Variants in SLC8B1 observed in about 807,000 individuals in gnomAD.
The protein encoded by SLC8B1 is solute carrier family 8 member B1.
Under a neutral mutation model 63.4 loss-of-function variants are expected in SLC8B1, and 52 were observed. That is an observed-to-expected ratio of 0.82 (90% CI 0.66 to 1.03). The LOEUF (loss-of-function observed/expected upper bound fraction) is 1.03. SLC8B1 is among the 50% of genes least tolerant of loss of function. SLC8B1 has a pLI of 0.00. For synonymous variants in SLC8B1, 336 were observed against 323.9 expected (o/e 1.04, Z -0.40); for missense variants, 657 against 741.7 (o/e 0.89, Z 1.33).
At chr12:113,333,744 T>C (rs1214012142) in intron 1 of SLC8B1, among the ~76,000 whole-genome samples, 1 of 152,196 alleles carries the variant, frequency 6.6e-6, no homozygotes, top group South Asian at 2.1e-4. Context: ...AGTCTCACTC[T>C]GTTACCCAAG....
rs559596087 is a variant in SLC8B1, at chr12:113,301,225, CAT to C, written c.1558-1253_1558-1252del. On this transcript the variant is annotated intron_variant, in intron 15 of 15. Coordinates refer to ENST00000680972, the MANE Select transcript of SLC8B1 (RefSeq NM_001358345.2). Reference sequence around the variant, plus strand: ...AGACAACAAAGCAAAGGCAGCCAAACATAAACAGTAGAGTCTGGGTGGTGGGA... The same window carrying C: ...AGACAACAAAGCAAAGGCAGCCAAACAAACAGTAGAGTCTGGGTGGTGGGA... 3.9e-4 allele frequency among the ~76,000 whole-genome samples: 59 copies of C among 151,432 alleles called. 2 individuals carry two copies. In the South Asian group the frequency reaches 9.8e-3, roughly 25 times the overall value.
At chr12:113,318,340 ATG>A (rs1368569952) in intron 8 of SLC8B1, among the ~76,000 whole-genome samples, 3 of 151,480 alleles carry the variant, frequency 2.0e-5, no homozygotes, top group East Asian at 1.9e-4. Flanking sequence ...TATATGTTGC[ATG>A]TGTGTGCATG....
At chr12:113,331,989 A>G (rs533161764) in intron 2 of SLC8B1, among the ~76,000 whole-genome samples, 1 of 152,090 alleles carries the variant, frequency 6.6e-6, no homozygotes, top group African/African-American at 2.4e-5. Context: ...TGTTCCATCC[A>G]TTCTAGCCTC....
intron 11 of SLC8B1, among the ~76,000 whole-genome samples, chr12:113,314,496 G>A (rs190028871): frequency 2.0e-5 from 3 of 152,364 alleles, no homozygotes; most frequent in Middle Eastern, 3.4e-3. Context: ...GTTAGAAGAC[G>A]TTGGACAAGC....
At chr12:113,315,571 C>T in intron 10 of SLC8B1, 95 bp from the exon 11 acceptor site, 1 of 1,400,712 alleles carries the variant, frequency 7.1e-7, no homozygotes, top group Non-Finnish European at 9.4e-7. Flanking sequence ...CTCGGCCGTT[C>T]ATTGCTGAAG....
chr12:113,324,567 C>T (rs566839578), intron 2 of SLC8B1, among the ~76,000 whole-genome samples: 7 of 151,376 alleles, frequency 4.6e-5, no homozygotes, highest in African/African-American at 1.2e-4. Context: ...CCGACACGCC[C>T]GGCTAAGTTT....
rs747242954 is a variant in SLC8B1, at chr12:113,320,492, C to T, written c.533G>A (p.Gly178Asp). 5.6e-5 allele frequency: 90 copies of T among 1,614,002 alleles called. No individual in the cohort carries two copies. The highest frequency in any genetic ancestry group is 7.1e-5 in the Non-Finnish European group (84 of 1,180,028). Reference sequence around the variant, plus strand: ...GGCCACCACTGTGGTAACCAGCACGCCAGCGCCTGGGGGGAGGAGGCCAGA... The same window carrying T: ...GGCCACCACTGTGGTAACCAGCACGTCAGCGCCTGGGGGGAGGAGGCCAGA... Reference protein sequence around the residue: ...GLALGALFGAGVLVTTVVAGG... With the variant: ...GLALGALFGADVLVTTVVAGG... The change falls in exon 7 of 16, where the codon GGC (glycine) becomes GAC (aspartate). Residue 178 changes from glycine to aspartate, a missense_variant. Gly to Asp is a moderately conservative substitution (Grantham distance 94). Coordinates refer to ENST00000680972, the MANE Select transcript of SLC8B1 (RefSeq NM_001358345.2). This position sits in a 1 kb window ranked among gnomAD's most constrained non-coding sequence, Gnocchi z 5.3.
intron 15 of SLC8B1, 52 bp from the exon 16 acceptor site, chr12:113,300,026 GC>G (rs769845702): frequency 1.9e-6 from 3 of 1,548,906 alleles, no homozygotes; most frequent in Admixed American, 1.8e-5. Flanking sequence ...CACAGGCCCC[GC>G]CCCGTCTGTG....
intron 8 of SLC8B1, 65 bp from the exon 9 acceptor site, chr12:113,317,066 G>A (rs1956845636): frequency 6.9e-7 from 1 of 1,455,310 alleles, no homozygotes; most frequent in Admixed American, 1.9e-5. Flanking sequence ...CACTGGGACA[G>A]AGCAGGTTTA....
Position 113,299,683 on chromosome 12 carries a change from G to C in SLC8B1, c.*94C>G. On this transcript the variant is annotated 3_prime_UTR_variant, in exon 16 of 16. Coordinates refer to ENST00000680972, the MANE Select transcript of SLC8B1 (RefSeq NM_001358345.2). The stretch of plus-strand genomic sequence containing the variant: ...AAGGGCCGCACTCTCGTGCCCACAA[G>C]GGCCTTGCAGAAATGCTCCGGTCCC... The C allele has an allele frequency of 7.9e-7, 1 of 1,264,162 alleles. No homozygotes were observed. The highest frequency in any genetic ancestry group is 2.4e-5 in the East Asian group (1 of 42,326). The allele number at this position is 1,264,162 out of a possible 1,614,324, so 78.3% of individuals were successfully genotyped here.
At chr12:113,332,685 A>G in intron 2 of SLC8B1, 38 bp downstream of exon 2, 1 of 1,594,926 alleles carries the variant, frequency 6.3e-7, no homozygotes. Flanking sequence ...GGAGGAACAC[A>G]GCCCCACTCA....
chr12:113,327,818 T>C (rs1957013516), intron 2 of SLC8B1, among the ~76,000 whole-genome samples: 1 of 151,660 alleles, frequency 6.6e-6, no homozygotes, highest in African/African-American at 2.4e-5. Context: ...CCATCTCTAC[T>C]AAAAATACAA....
chr12:113,312,095 C>G (rs1426748577), intron 11 of SLC8B1, among the ~76,000 whole-genome samples: 3 of 151,722 alleles, frequency 2.0e-5, no homozygotes, highest in Admixed American at 6.6e-5. Flanking sequence ...TCAAGCAGAT[C>G]AGGAATAGCA....
intron 8 of SLC8B1, among the ~76,000 whole-genome samples, chr12:113,317,819 TTGTG>T (rs1274272460): frequency 6.6e-6 from 1 of 152,036 alleles, no homozygotes; most frequent in Admixed American, 6.6e-5. Context: ...GTGCATGTAT[TTGTG>T]TGTATTGTGT....
chr12:113,310,685 C>A (rs1338322368), intron 11 of SLC8B1, among the ~76,000 whole-genome samples: 2 of 152,194 alleles, frequency 1.3e-5, no homozygotes, highest in Non-Finnish European at 2.9e-5. Flanking sequence ...CATTTCCAGG[C>A]AGCTCCCTCC....
intron 12 of SLC8B1, 79 bp downstream of exon 12, chr12:113,310,152 GCCT>G (rs1956736517): frequency 1.3e-6 from 2 of 1,513,778 alleles, no homozygotes; most frequent in African/African-American, 2.8e-5. Flanking sequence ...TGGTCAAAGT[GCCT>G]CAGAGATGCA....
chr12:113,326,342 C>A (rs1375851859), intron 2 of SLC8B1, among the ~76,000 whole-genome samples: 1 of 152,036 alleles, frequency 6.6e-6, no homozygotes, highest in Non-Finnish European at 1.5e-5. Context: ...TTATTCTATT[C>A]TTTCTTTCTT....
chr12:113,330,910 CT>C (rs1327049232), intron 2 of SLC8B1, among the ~76,000 whole-genome samples: 1 of 152,184 alleles, frequency 6.6e-6, no homozygotes, highest in Non-Finnish European at 1.5e-5. Flanking sequence ...TGTTCCTTCA[CT>C]CCAGATCTGC....
At chr12:113,321,143 G>A (rs780150581) in intron 3 of SLC8B1, 35 bp from the exon 4 acceptor site, 2 of 1,613,984 alleles carry the variant, frequency 1.2e-6, no homozygotes, top group Non-Finnish European at 1.7e-6. Flanking sequence ...GGAGAGTCAA[G>A]TCCAGCTGGA....
Sources: allele counts gnomAD v4.1 joint callset (sites outside exome capture counted in the v4.1 genomes callset), GRCh38; gene constraint gnomAD v4.1.1; non-coding constraint Gnocchi (gnomAD v3.1); transcripts MANE v1.5; gene names NCBI Gene and HGNC (gene_info 2026-07-23, HGNC 2026-07-21).